SEC63: variants seen among roughly 807,000 people sequenced by gnomAD.
SEC63 encodes SEC63 protein translocation regulator.
In SEC63, 56 loss-of-function variants were observed where a neutral mutation model predicts 116.2. That is an observed-to-expected ratio of 0.48 (90% CI 0.39 to 0.60). SEC63 has a LOEUF of 0.60. Among genes scored for constraint, SEC63 ranks in the 20% least tolerant of loss-of-function variants. The pLI is 0.00. For missense variants in SEC63, 668 were observed against 900.0 expected (o/e 0.74, Z 3.30); for synonymous variants, 273 against 294.6 (o/e 0.93, Z 0.75).
At chr6:107,900,177 T>C (rs1296472825) in intron 13 of SEC63, among the ~76,000 whole-genome samples, 1 of 152,006 alleles carries the variant, frequency 6.6e-6, no homozygotes, top group Non-Finnish European at 1.5e-5. Flanking sequence ...TTTTTTTTAA[T>C]TTTATAAAGA....
Position 107,867,876 on chromosome 6 carries a change from T to C in SEC63, c.*3828A>G. 1 of 152,088 alleles carries C rather than the reference T, an allele frequency of 6.6e-6. No homozygotes were observed. 9.4% of individuals were successfully genotyped at this position (152,088 alleles called of 1,614,324 possible). On this transcript the variant is annotated 3_prime_UTR_variant, in exon 21 of 21. Transcript: ENST00000369002. Reference sequence around the variant, plus strand: ...AAAGGATGAGATTAAATACAAATAATCATCTTAATACTTCCTCAATGGATT... The same window carrying C: ...AAAGGATGAGATTAAATACAAATAACCATCTTAATACTTCCTCAATGGATT...
rs574036022 is a variant in SEC63 at position 107,874,458 on chromosome 6, C to T, written c.2035-1546G>A. 3.5e-4 allele frequency among the ~76,000 whole-genome samples: 53 copies of T among 151,542 alleles called. 1 individual carries two copies. Among genetic ancestry groups the T allele is most frequent in the South Asian group, 2.3e-3 (11 of 4,772 alleles). ...AAAAATATAAAAAATTAGCTGGGTG[C>T]AGTGGCGGGCGTCTGTAATCCCAGC... On this transcript the variant is annotated intron_variant, in intron 19 of 20. Coordinates refer to ENST00000369002, the MANE Select transcript of SEC63 (RefSeq NM_007214.5).
At chr6:107,891,752 G>A (rs933947128) in intron 16 of SEC63, among the ~76,000 whole-genome samples, 7 of 152,132 alleles carry the variant, frequency 4.6e-5, no homozygotes, top group South Asian at 2.1e-4. Flanking sequence ...CTGAGTGGAC[G>A]TCCTTTTTGT....
chr6:107,934,995 G>A (rs1770172548), intron 1 of SEC63, among the ~76,000 whole-genome samples: 5 of 124,638 alleles, frequency 4.0e-5, no homozygotes, highest in South Asian at 2.8e-4. Context: ...GGGAGGTGGG[G>A]GGGTCAGCCC....
chr6:107,909,319 A>T (rs1330833829), intron 7 of SEC63, among the ~76,000 whole-genome samples: 1 of 151,654 alleles, frequency 6.6e-6, no homozygotes, highest in Non-Finnish European at 1.5e-5. Flanking sequence ...TCAGGGCTGC[A>T]GTAGCCATGA....
intron 16 of SEC63, among the ~76,000 whole-genome samples, chr6:107,887,460 A>G (rs1011803937): frequency 7.5e-5 from 11 of 147,572 alleles, no homozygotes; most frequent in African/African-American, 2.5e-4. Flanking sequence ...GACATGGATG[A>G]AATTGGAAAT....
chr6:107,948,531 T>C (rs1430991908), intron 1 of SEC63, among the ~76,000 whole-genome samples: 1 of 152,216 alleles, frequency 6.6e-6, no homozygotes, highest in African/African-American at 2.4e-5. Flanking sequence ...TACTGAAGGC[T>C]TGCAACTTTC....
chr6:107,886,309 G>A (rs575787560), intron 16 of SEC63, among the ~76,000 whole-genome samples: 14 of 152,234 alleles, frequency 9.2e-5, no homozygotes, highest in Admixed American at 6.5e-4. Flanking sequence ...GAACAGTGCC[G>A]CAATAAACAT....
At position 107,933,669 on chromosome 6, in the gene SEC63, TCTGCCCCTGCCC is replaced by T. The variant is rs747918203; in HGVS notation, c.125-4167_125-4156del. Among the ~76,000 whole-genome samples the T allele has an allele frequency of 9.4e-4, 140 of 148,264 alleles. 1 individual carries two copies. The highest frequency in any genetic ancestry group is 3.5e-3 in the Middle Eastern group (1 of 286). On this transcript the variant is annotated intron_variant, in intron 1 of 20. Transcript: ENST00000369002. Reference sequence around the variant, plus strand: ...GACTAAAGAAACACCTGCCTCTGCCTCTGCCCCTGCCCCTGCCCCTGCCCCTGCCCCTGCCTC... The same window carrying T: ...GACTAAAGAAACACCTGCCTCTGCCTCTGCCCCTGCCCCTGCCCCTGCCTC...
At chr6:107,925,594 T>C (rs1342818430) in intron 2 of SEC63, among the ~76,000 whole-genome samples, 3 of 152,186 alleles carry the variant, frequency 2.0e-5, no homozygotes, top group Non-Finnish European at 4.4e-5. Context: ...TGTGTTCTAG[T>C]GAGTAAAATT....
intron 7 of SEC63, among the ~76,000 whole-genome samples, chr6:107,910,921 T>C (rs759612476): frequency 2.0e-5 from 3 of 152,050 alleles, no homozygotes; most frequent in Admixed American, 6.6e-5. Flanking sequence ...GGTTTCACCA[T>C]GTTGGTCTCA....
chr6:107,952,714 T>A (rs1216716821), intron 1 of SEC63, among the ~76,000 whole-genome samples: 1 of 151,938 alleles, frequency 6.6e-6, no homozygotes, highest in African/African-American at 2.4e-5. Flanking sequence ...GCCAAGATCT[T>A]GCTATTGCAC....
At chr6:107,921,279 T>C (rs556644390) in intron 4 of SEC63, among the ~76,000 whole-genome samples, 1 of 152,124 alleles carries the variant, frequency 6.6e-6, no homozygotes, top group Non-Finnish European at 1.5e-5. Context: ...AATTAACTTA[T>C]CATTCACCAC....
At chr6:107,952,886 T>C (rs934585940) in intron 1 of SEC63, among the ~76,000 whole-genome samples, 2 of 152,224 alleles carry the variant, frequency 1.3e-5, no homozygotes, top group Non-Finnish European at 2.9e-5. Context: ...TTCAAACGCA[T>C]GCCTACATTT....
At chr6:107,956,211 C>T (rs1770708030) in intron 1 of SEC63, 2 of 184,688 alleles carry the variant, frequency 1.1e-5, no homozygotes, top group South Asian at 7.1e-5. Flanking sequence ...TTTTTTATAC[C>T]TTTGTTCTGC....
intron 19 of SEC63, among the ~76,000 whole-genome samples, chr6:107,874,979 T>C (rs1786227980): frequency 6.6e-6 from 1 of 152,250 alleles, no homozygotes; most frequent in African/African-American, 2.4e-5. Flanking sequence ...TTAAATTTCC[T>C]GAGTATAATC....
rs762403328 is a variant in SEC63, at chr6:107,929,433, T to C, written c.206A>G (p.Asn69Ser). 1.3e-6 allele frequency: 2 copies of C among 1,573,956 alleles called. No homozygotes were observed. The highest frequency in any genetic ancestry group is 1.4e-5 in the African/African-American group (1 of 74,062). ...YRLRLLKPQP[N>S]IIPTVKKIVL... ...TACTTACTTTACTGTAGGAATAATA[T>C]TTGGCTGGGGTTTTAATAACCGTAA... Residue 69 changes from asparagine (N) to serine (S), a missense_variant, in exon 2 of 21, where the codon AAT (asparagine) becomes AGT (serine). Transcript: ENST00000369002.
chr6:107,880,489 C>T (rs144286000), intron 18 of SEC63, among the ~76,000 whole-genome samples: 113 of 152,294 alleles, frequency 7.4e-4, no homozygotes, highest in African/African-American at 2.6e-3. Flanking sequence ...ACAACACAGG[C>T]TATCAAGGAG....
intron 14 of SEC63, among the ~76,000 whole-genome samples, chr6:107,895,188 C>A (rs1036763624): frequency 6.6e-5 from 10 of 152,086 alleles, no homozygotes; most frequent in Non-Finnish European, 8.8e-5. Flanking sequence ...CTACCAATTA[C>A]TCCAGAAATG....
Sources: allele counts gnomAD v4.1 joint callset (sites outside exome capture counted in the v4.1 genomes callset), GRCh38; gene constraint gnomAD v4.1.1; transcripts MANE v1.5; gene names NCBI Gene and HGNC (gene_info 2026-07-23, HGNC 2026-07-21).